The following RNF130 variants were observed in gnomAD, a reference collection of about 807,000 sequenced individuals.
The protein encoded by RNF130 is ring finger protein 130.
In RNF130, 21 loss-of-function variants were observed where a neutral mutation model predicts 44.6. That is an observed-to-expected ratio of 0.47 (90% CI 0.33 to 0.68). RNF130 has a LOEUF of 0.68. Among genes scored for constraint, RNF130 ranks in the 30% least tolerant of loss-of-function variants. The pLI is 0.02. For missense variants in RNF130, 479 were observed against 560.6 expected, an observed-to-expected ratio of 0.85 and a Z score of 1.47; for synonymous variants, 214 against 210.4, an observed-to-expected ratio of 1.02 and a Z score of -0.15.
exon 8 of RNF130, chr5:179,916,723 G>A (rs1306486107): frequency 6.6e-6 from 1 of 152,400 alleles, no homozygotes; most frequent in Non-Finnish European, 1.5e-5. Flanking sequence ...TGGGGGCAGA[G>A]CTTGTCTTCC....
At chr5:179,924,944 A>G (rs1455313902) in intron 7 of RNF130, among the ~76,000 whole-genome samples, 1 of 152,194 alleles carries the variant, frequency 6.6e-6, no homozygotes, top group Non-Finnish European at 1.5e-5. Context: ...CATCAGCACA[A>G]TCCAACAGCA....
At chr5:179,930,443 T>C (rs1051731440) in intron 7 of RNF130, among the ~76,000 whole-genome samples, 1 of 152,252 alleles carries the variant, frequency 6.6e-6, no homozygotes, top group Non-Finnish European at 1.5e-5. Context: ...AGAGCTGATT[T>C]GTAGAATATA....
intron 2 of RNF130, among the ~76,000 whole-genome samples, chr5:180,016,380 G>A (rs1471579038): frequency 2.0e-5 from 3 of 152,022 alleles, no homozygotes; most frequent in African/African-American, 7.2e-5. Flanking sequence ...ATAAAGGGCC[G>A]GTCAGAGGAG....
At chr5:180,007,273 C>T (rs1294027139) in intron 3 of RNF130, among the ~76,000 whole-genome samples, 1 of 152,038 alleles carries the variant, frequency 6.6e-6, no homozygotes, top group African/African-American at 2.4e-5. Context: ...TGGTGACACA[C>T]ATCTTTAGTC....
intron 7 of RNF130, among the ~76,000 whole-genome samples, chr5:179,949,024 G>A (rs1368098320): frequency 6.8e-5 from 10 of 147,230 alleles, no homozygotes; most frequent in African/African-American, 1.8e-4. Flanking sequence ...GGAATGCAAC[G>A]GTACCATCTC....
chr5:179,935,260 T>G (rs1028380969), intron 7 of RNF130, among the ~76,000 whole-genome samples: 5 of 152,168 alleles, frequency 3.3e-5, no homozygotes, highest in African/African-American at 9.7e-5. Flanking sequence ...TTTGCTAAAT[T>G]TATTGAAATT....
downstream of RNF130, among the ~76,000 whole-genome samples, chr5:179,954,241 T>C (rs1432352370): frequency 6.6e-6 from 1 of 152,214 alleles, no homozygotes; most frequent in Non-Finnish European, 1.5e-5. Context: ...ACTGCACTCC[T>C]AGGGACATAT....
At chr5:179,944,327 A>G (rs1312342329) in intron 7 of RNF130, among the ~76,000 whole-genome samples, 1 of 152,182 alleles carries the variant, frequency 6.6e-6, no homozygotes, top group Admixed American at 6.5e-5. Context: ...AAATTAAATA[A>G]CTAAAGGATC....
chr5:180,058,756 T>C (rs1368671119), intron 1 of RNF130, among the ~76,000 whole-genome samples: 2 of 152,064 alleles, frequency 1.3e-5, no homozygotes, highest in African/African-American at 2.4e-5. Flanking sequence ...GAGATGGGGT[T>C]TCACCATGTT....
chr5:180,063,212 T>C (rs1453141196), intron 1 of RNF130, among the ~76,000 whole-genome samples: 1 of 152,026 alleles, frequency 6.6e-6, no homozygotes, highest in Non-Finnish European at 1.5e-5. Flanking sequence ...TTGAAAGAAG[T>C]TAAGAAAAAA....
intron 8 of RNF130, among the ~76,000 whole-genome samples, chr5:179,961,574 A>T (rs1031090367): frequency 2.0e-5 from 3 of 152,230 alleles, no homozygotes; most frequent in African/African-American, 7.2e-5. Flanking sequence ...CAGTCAGGTG[A>T]CTATTAAACT....
chr5:180,037,288 G>A (rs73810932), intron 2 of RNF130, among the ~76,000 whole-genome samples: 43 of 152,350 alleles, frequency 2.8e-4, no homozygotes, highest in African/African-American at 1.0e-3. Context: ...ATCAGTGCTT[G>A]TGTGAGTATA....
chr5:179,986,839 C>T (rs952537581), intron 3 of RNF130, among the ~76,000 whole-genome samples: 2 of 151,984 alleles, frequency 1.3e-5, no homozygotes, highest in Non-Finnish European at 2.9e-5. Context: ...TCTGTGATCT[C>T]TTCAATTTCT....
At chr5:180,034,683 TG>T (rs1007264873) in intron 2 of RNF130, among the ~76,000 whole-genome samples, 35 of 152,186 alleles carry the variant, frequency 2.3e-4, no homozygotes, top group African/African-American at 8.2e-4. Context: ...CTTACAATCT[TG>T]GCCCTTGGGT....
chr5:179,951,604 C>T (rs1582136454), downstream of RNF130, among the ~76,000 whole-genome samples: 1 of 152,114 alleles, frequency 6.6e-6, no homozygotes, highest in Middle Eastern at 3.4e-3. Context: ...AGGATGGTCT[C>T]GATCAGAATA....
chr5:179,993,496 G>A (rs1384681744), intron 3 of RNF130, among the ~76,000 whole-genome samples: 1 of 152,176 alleles, frequency 6.6e-6, no homozygotes, highest in Non-Finnish European at 1.5e-5. Flanking sequence ...ATTTTTTCAT[G>A]TGTCTGTTGG....
chr5:179,981,015 A>T (rs559142499), intron 3 of RNF130, among the ~76,000 whole-genome samples: 1 of 152,120 alleles, frequency 6.6e-6, no homozygotes, highest in South Asian at 2.1e-4. Context: ...GCAGGGGAGG[A>T]ACGTCAGGGA....
intron 8 of RNF130, among the ~76,000 whole-genome samples, chr5:179,962,993 G>T (rs1294748991): frequency 1.3e-5 from 2 of 152,214 alleles, no homozygotes; most frequent in African/African-American, 4.8e-5. Context: ...GGAAACAGCG[G>T]GTCTTTCAAA....
intron 7 of RNF130, among the ~76,000 whole-genome samples, chr5:179,929,699 G>C (rs1264923809): frequency 6.6e-6 from 1 of 151,930 alleles, no homozygotes; most frequent in Admixed American, 6.6e-5. Context: ...AGTGAGCCAT[G>C]ATTGTGCCAC....
Sources: gnomAD v4.1 joint callset for allele counts (sites outside exome capture counted in the v4.1 genomes callset) on GRCh38, gnomAD v4.1.1 for gene constraint, MANE v1.5 for transcripts, NCBI Gene and HGNC (gene_info 2026-07-23, HGNC 2026-07-21) for gene names.